Variants in UGT2B7 observed in about 807,000 individuals in gnomAD.
UGT2B7 encodes the protein UDP-glucuronosyltransferase 2B7.
UGT2B7 carries 51 observed loss-of-function variants against 51.9 expected under a neutral mutation model. The ratio of observed to expected loss-of-function variants is 0.98; its 90% CI spans 0.78 to 1.24. UGT2B7 has a LOEUF of 1.24. Among genes scored for constraint, UGT2B7 ranks in the 50% most tolerant of loss-of-function variants. UGT2B7 has a pLI of 0.00. For synonymous variants in UGT2B7, 225 were observed against 211.6 expected (o/e 1.06, Z -0.55); for missense variants, 727 against 628.4 (o/e 1.16, Z -1.68).
At chr4:69,112,417 C>A in intron 5 of UGT2B7, 40 bp from the exon 6 acceptor site, 2 of 1,590,356 alleles carry the variant, frequency 1.3e-6, no homozygotes, top group South Asian at 2.3e-5. Flanking sequence ...TTGTCTGTAA[C>A]TCTTCCTGCT....
chr4:69,074,484 A>G (rs896287763), intron 1 of UGT2B7, among the ~76,000 whole-genome samples: 1 of 122,650 alleles, frequency 8.2e-6, no homozygotes, highest in Non-Finnish European at 1.6e-5. Flanking sequence ...TGTTTCCCCT[A>G]TTTATGATCC....
At chr4:69,100,611 C>T (rs1244112775) in intron 2 of UGT2B7, among the ~76,000 whole-genome samples, 1 of 151,826 alleles carries the variant, frequency 6.6e-6, no homozygotes, top group Non-Finnish European at 1.5e-5. Context: ...TGAAAAATTT[C>T]CCCACCCATA....
At chr4:69,109,800 C>T (rs1719720903) in intron 5 of UGT2B7, among the ~76,000 whole-genome samples, 2 of 151,928 alleles carry the variant, frequency 1.3e-5, no homozygotes, top group African/African-American at 4.8e-5. Context: ...GTCCAGCTAC[C>T]ATCAATTCAG....
chr4:69,074,918 A>G (rs1466405365), intron 1 of UGT2B7, among the ~76,000 whole-genome samples: 1 of 152,124 alleles, frequency 6.6e-6, no homozygotes. Flanking sequence ...TCTGGAGCAG[A>G]AGTGGGAAAA....
At chr4:69,105,179 A>G (rs1392480716) in intron 3 of UGT2B7, among the ~76,000 whole-genome samples, 1 of 152,156 alleles carries the variant, frequency 6.6e-6, no homozygotes, top group African/African-American at 2.4e-5. Flanking sequence ...CTCCCAATGG[A>G]GGAAGCAGAA....
chr4:69,096,636 T>C lies in UGT2B7; in HGVS notation c.116T>C (p.Ile39Thr). The C allele has an allele frequency of 1.2e-6, 2 of 1,614,012 alleles. No homozygotes were observed. The highest frequency in any genetic ancestry group is 1.7e-6 in the Non-Finnish European group (2 of 1,179,908). ...WAAEYSHWMN[I>T]KTILDELIQR... ...GCAGAATACAGCCATTGGATGAATA[T>C]AAAGACAATCCTGGATGAGCTTATT... The change falls in exon 1 of 6, where the codon ATA becomes ACA. Residue 39 changes from isoleucine (I) to threonine (T), a missense_variant. Coordinates refer to ENST00000305231, the MANE Select transcript of UGT2B7 (RefSeq NM_001074.4).
chr4:69,054,868 C>T (rs1197257271), intron 1 of UGT2B7, among the ~76,000 whole-genome samples: 1 of 151,742 alleles, frequency 6.6e-6, no homozygotes, highest in Non-Finnish European at 1.5e-5. Flanking sequence ...AGGGCTGTTC[C>T]CAGTATATAC....
At chr4:69,079,179 G>C (rs1476475740) in intron 1 of UGT2B7, among the ~76,000 whole-genome samples, 2 of 152,116 alleles carry the variant, frequency 1.3e-5, no homozygotes, top group East Asian at 1.9e-4. Context: ...GTGAGGTTTT[G>C]TGCCATGCCA....
Position 69,112,681 on chromosome 4 carries a change from G to T in UGT2B7, c.1535G>T (p.Cys512Phe). The change falls in exon 6 of 6, where the codon TGT becomes TTT. Residue 512 changes from cysteine (C) to phenylalanine (F), a missense_variant. Transcript: ENST00000305231. ...ATVIFIVTKCCLFCFWKFARK... is the reference protein window; with the variant it reads ...ATVIFIVTKCFLFCFWKFARK... ...GTGATATTTATCGTCACAAAATGTT[G>T]TCTGTTTTGTTTCTGGAAGTTTGCT... 5.6e-6 allele frequency: 9 copies of T among 1,613,792 alleles called. No individual in the cohort carries two copies. Among genetic ancestry groups the T allele is most frequent in the South Asian group, 1.1e-5 (1 of 91,068 alleles).
At chr4:69,069,985 C>T (rs1262397421) in intron 1 of UGT2B7, 2 of 151,986 alleles carry the variant, frequency 1.3e-5, no homozygotes, top group Non-Finnish European at 2.9e-5. Flanking sequence ...TTCTTTACTA[C>T]ATTTTTCAAG....
chr4:69,103,865 T>G (rs1719502587), intron 3 of UGT2B7, among the ~76,000 whole-genome samples: 1 of 152,196 alleles, frequency 6.6e-6, no homozygotes, highest in South Asian at 2.1e-4. Flanking sequence ...TTAGTAGTTA[T>G]GCGGTATATT....
chr4:69,060,895 AC>A (rs1718330437), intron 1 of UGT2B7, among the ~76,000 whole-genome samples: 1 of 152,168 alleles, frequency 6.6e-6, no homozygotes, highest in South Asian at 2.1e-4. Flanking sequence ...AAACCCAGCT[AC>A]CTTGCTCCCC....
intron 4 of UGT2B7, among the ~76,000 whole-genome samples, chr4:69,107,568 G>GT (rs144771241): frequency 0.016 from 2,486 of 152,030 alleles, 67 homozygotes; most frequent in African/African-American, 0.057. Context: ...CTTTACACCT[G>GT]TTTTTTTCCT....
intron 1 of UGT2B7, 81 bp from the exon 2 acceptor site, chr4:69,098,459 A>G: frequency 2.0e-6 from 3 of 1,520,894 alleles, no homozygotes; most frequent in Non-Finnish European, 2.6e-6. Flanking sequence ...ATTTTTGCCT[A>G]CATTATTCTA....
chr4:69,080,984 G>A (rs1276186808), intron 1 of UGT2B7, among the ~76,000 whole-genome samples: 1 of 151,896 alleles, frequency 6.6e-6, no homozygotes, highest in East Asian at 1.9e-4. Flanking sequence ...TAGCTGAGTA[G>A]ATAGATAAAT....
At chr4:69,109,355 C>T (rs1719707048) in intron 5 of UGT2B7, among the ~76,000 whole-genome samples, 1 of 152,140 alleles carries the variant, frequency 6.6e-6, no homozygotes, top group Non-Finnish European at 1.5e-5. Context: ...CTACCACCAG[C>T]AGTACAACAT....
Position 69,112,629 on chromosome 4 carries a change from G to T in UGT2B7, c.1483G>T (p.Gly495Trp). The T allele has an allele frequency of 6.2e-7, 1 of 1,613,908 alleles. No homozygotes were observed. The highest frequency in any genetic ancestry group is 8.5e-7 in the Non-Finnish European group (1 of 1,179,858). Residue 495 changes from glycine to tryptophan, a missense_variant, in exon 6 of 6, where the codon GGG (glycine) becomes TGG (tryptophan). By Grantham distance (184) the Gly-to-Trp change is radical. Transcript: ENST00000305231. ...CCAGTACCACTCTTTGGATGTGATT[G>T]GGTTCCTGCTGGTCTGTGTGGCAAC... The part of the protein sequence containing the change: ...WFQYHSLDVI[G>W]FLLVCVATVI...
At chr4:69,108,702 GA>G (rs1719685651) in intron 5 of UGT2B7, among the ~76,000 whole-genome samples, 1 of 151,954 alleles carries the variant, frequency 6.6e-6, no homozygotes, top group Admixed American at 6.6e-5. Context: ...TTTTCTTGCT[GA>G]AAAATTAACT....
intron 1 of UGT2B7, among the ~76,000 whole-genome samples, chr4:69,074,419 T>G (rs1187244204): frequency 7.9e-6 from 1 of 127,138 alleles, no homozygotes; most frequent in Non-Finnish European, 1.6e-5. Flanking sequence ...GAATAACACC[T>G]TATCTTAAAT....
Sources: allele counts gnomAD v4.1 joint callset (sites outside exome capture counted in the v4.1 genomes callset), GRCh38; gene constraint gnomAD v4.1.1; transcripts MANE v1.5; gene names NCBI Gene and HGNC (gene_info 2026-07-23, HGNC 2026-07-21).